The following SGTB variants were observed in gnomAD, a reference collection of about 807,000 sequenced individuals.
SGTB encodes small glutamine-rich tetratricopeptide repeat-containing protein beta.
A neutral mutation model predicts 43.9 loss-of-function variants in SGTB; 19 were observed. That is an observed-to-expected ratio of 0.43 (90% CI 0.30 to 0.63). The LOEUF (loss-of-function observed/expected upper bound fraction) is 0.63, where lower values mean the gene tolerates loss of function less well. Ranked by LOEUF, SGTB falls within the 30% of genes least tolerant of loss-of-function variation. SGTB has a pLI of 0.12. For missense variants in SGTB, 304 were observed against 358.9 expected, an observed-to-expected ratio of 0.85 and a Z score of 1.24; for synonymous variants, 116 against 117.3, an observed-to-expected ratio of 0.99 and a Z score of 0.07.
At chr5:65,719,142 G>C (rs1228033427) in intron 2 of SGTB, among the ~76,000 whole-genome samples, 3 of 152,174 alleles carry the variant, frequency 2.0e-5, no homozygotes, top group Non-Finnish European at 4.4e-5. Context: ...AGACTGCAAG[G>C]AGGTTTAGAG....
At chr5:65,671,318 C>T (rs1400189444) in intron 10 of SGTB, among the ~76,000 whole-genome samples, 1 of 152,080 alleles carries the variant, frequency 6.6e-6, no homozygotes, top group African/African-American at 2.4e-5. Context: ...CCTCAAAGTA[C>T]CAGGTCACCA....
At chr5:65,677,832 G>T (rs1757312585) in intron 8 of SGTB, among the ~76,000 whole-genome samples, 1 of 151,990 alleles carries the variant, frequency 6.6e-6, no homozygotes, top group South Asian at 2.1e-4. Flanking sequence ...GATATTGAAG[G>T]AACATACCTC....
At chr5:65,721,312 A>C (rs934625099) in intron 1 of SGTB, among the ~76,000 whole-genome samples, 5 of 152,354 alleles carry the variant, frequency 3.3e-5, no homozygotes, top group African/African-American at 1.2e-4. Context: ...CACATTCGCG[A>C]AAGGTTATTC....
chr5:65,694,810 G>C (rs776976451), intron 5 of SGTB, among the ~76,000 whole-genome samples: 7 of 152,120 alleles, frequency 4.6e-5, no homozygotes, highest in Admixed American at 4.6e-4. Flanking sequence ...CTAGGCACAG[G>C]GGGAAGCACA....
intron 2 of SGTB, among the ~76,000 whole-genome samples, chr5:65,715,998 G>A (rs946358883): frequency 3.3e-5 from 5 of 152,188 alleles, no homozygotes; most frequent in Non-Finnish European, 7.4e-5. Flanking sequence ...TCAAATTCCC[G>A]ACCTCAAGTG....
Position 65,701,842 on chromosome 5 carries a change from C to A in SGTB, c.374+2437G>T, listed in dbSNP as rs1199373601. On this transcript the variant is annotated intron_variant, in intron 5 of 10. Transcript: ENST00000381007. ...TAGAGACAGGGTTTCACTGTGTTAG[C>A]CAGGATGGTCTCGATCTCCTGACCT... is the stretch of plus-strand genomic sequence containing the variant. Among the ~76,000 whole-genome samples the A allele has an allele frequency of 2.0e-5, 3 of 152,132 alleles. No individual in the cohort carries two copies. In the East Asian group the frequency reaches 5.8e-4, roughly 29 times the overall value.
intron 5 of SGTB, 49 bp downstream of exon 5, chr5:65,704,230 A>G: frequency 7.6e-7 from 1 of 1,311,422 alleles, no homozygotes; most frequent in Non-Finnish European, 1.1e-6. Flanking sequence ...CAGAGCTATT[A>G]ATCTAAATGT....
intron 5 of SGTB, among the ~76,000 whole-genome samples, chr5:65,689,239 A>G (rs1023017533): frequency 2.7e-4 from 41 of 152,244 alleles, no homozygotes; most frequent in Admixed American, 1.8e-3. Flanking sequence ...AGCAAATCTA[A>G]AGTAAAAACA....
chr5:65,666,289 A>AT lies in SGTB; in HGVS notation c.*3956dup, dbSNP rs1757036305. 6.6e-6 allele frequency: 1 copy of AT among 152,072 alleles called. No individual in the cohort carries two copies. Among genetic ancestry groups the AT allele is most frequent in the Non-Finnish European group, 1.5e-5 (1 of 67,962 alleles). 9.4% of individuals were successfully genotyped at this position (152,072 alleles called of 1,614,324 possible). On this transcript the variant is annotated 3_prime_UTR_variant, in exon 11 of 11. Transcript: ENST00000381007. ...TGTTTATAAACAATAACTTACACATATTTTTCATAGTTTTAAGTAAAGATT... is the reference window on the plus strand; with the variant it reads ...TGTTTATAAACAATAACTTACACATATTTTTTCATAGTTTTAAGTAAAGATT...
chr5:65,673,345 C>T (rs1411582520), intron 8 of SGTB, among the ~76,000 whole-genome samples: 4 of 152,182 alleles, frequency 2.6e-5, no homozygotes, highest in African/African-American at 4.8e-5. Context: ...CCTATAGTAG[C>T]GGTCCCCAAC....
intron 2 of SGTB, among the ~76,000 whole-genome samples, chr5:65,714,722 T>C (rs1013848255): frequency 6.6e-6 from 1 of 152,058 alleles, no homozygotes; most frequent in African/African-American, 2.4e-5. Flanking sequence ...GGCTGAGGCA[T>C]GGGAATTGCT....
At chr5:65,715,492 T>C (rs906295066) in intron 2 of SGTB, among the ~76,000 whole-genome samples, 3 of 152,214 alleles carry the variant, frequency 2.0e-5, no homozygotes, top group Admixed American at 6.5e-5. Context: ...CTCTACCAAA[T>C]AGACTTAGAA....
intron 2 of SGTB, among the ~76,000 whole-genome samples, chr5:65,717,182 G>A (rs1021132146): frequency 1.3e-4 from 20 of 152,152 alleles, no homozygotes; most frequent in African/African-American, 4.3e-4. Context: ...TATAGATTGA[G>A]AGATTGAGGC....
intron 3 of SGTB, among the ~76,000 whole-genome samples, chr5:65,710,469 T>A (rs1002684009): frequency 7.3e-4 from 111 of 151,906 alleles, no homozygotes; most frequent in African/African-American, 2.7e-3. Flanking sequence ...CTATTCTAAA[T>A]AAAGGGAATG....
intron 2 of SGTB, among the ~76,000 whole-genome samples, chr5:65,713,459 C>T (rs1049984718): frequency 6.6e-6 from 1 of 152,010 alleles, no homozygotes; most frequent in Admixed American, 6.6e-5. Context: ...GTAATTGAGA[C>T]TATAGGCATG....
chr5:65,673,661 A>ATT (rs71305036), intron 8 of SGTB, among the ~76,000 whole-genome samples: 6,552 of 146,916 alleles, frequency 0.045, 501 homozygotes, highest in African/African-American at 0.15. Flanking sequence ...CTATAGGGCT[A>ATT]TTTTTTTTTT....
intron 5 of SGTB, among the ~76,000 whole-genome samples, chr5:65,703,092 C>A (rs552423624): frequency 6.6e-6 from 1 of 152,068 alleles, no homozygotes; most frequent in African/African-American, 2.4e-5. Flanking sequence ...TCCAGAAAAT[C>A]TAAAGCATGA....
chr5:65,670,777 T>G (rs1354688407), intron 10 of SGTB, among the ~76,000 whole-genome samples: 1 of 152,222 alleles, frequency 6.6e-6, no homozygotes, highest in Non-Finnish European at 1.5e-5. Flanking sequence ...CTAAGAAGTT[T>G]AACACAAATT....
Position 65,680,614 on chromosome 5 carries a change from A to C in SGTB, c.618+42T>G, listed in dbSNP as rs753165138. 4 of 1,613,774 alleles carry C rather than the reference A, an allele frequency of 2.5e-6. No homozygotes were observed. In the Admixed American group the frequency reaches 6.7e-5, roughly 27 times the overall value. On this transcript the variant is annotated intron_variant, in intron 7 of 10. Transcript: ENST00000381007. ...GTATCTACAATTACAATAAATTGTGAATGACAGAAAATACTTCACTCATTT... is the reference window on the plus strand; with the variant it reads ...GTATCTACAATTACAATAAATTGTGCATGACAGAAAATACTTCACTCATTT...
Sources: allele counts gnomAD v4.1 joint callset (sites outside exome capture counted in the v4.1 genomes callset), GRCh38; gene constraint gnomAD v4.1.1; transcripts MANE v1.5; gene names NCBI Gene and HGNC (gene_info 2026-07-23, HGNC 2026-07-21).